Variants in CAPZB observed in about 807,000 individuals in gnomAD.
CAPZB encodes the protein F-actin-capping protein subunit beta.
Under a neutral mutation model 38.1 loss-of-function variants are expected in CAPZB, and 2 were observed. The observed-to-expected ratio is 0.05, with a 90% CI of 0.02 to 0.17. The LOEUF is 0.17. CAPZB is among the 10% of genes least tolerant of loss of function. CAPZB has a pLI of 1.00. For synonymous variants in CAPZB, 107 were observed against 127.4 expected (o/e 0.84, Z 1.08); for missense variants, 161 against 334.2 (o/e 0.48, Z 4.04).
chr1:19,375,226 T>C (rs1195497534), intron 4 of CAPZB, among the ~76,000 whole-genome samples: 3 of 152,184 alleles, frequency 2.0e-5, no homozygotes, highest in Non-Finnish European at 2.9e-5. Flanking sequence ...AGACTATAAA[T>C]GGGTTGGTTC....
intron 1 of CAPZB, among the ~76,000 whole-genome samples, chr1:19,425,503 T>C (rs1362137884): frequency 2.0e-5 from 3 of 152,150 alleles, no homozygotes; most frequent in African/African-American, 7.2e-5. Context: ...GGAGGGGAGT[T>C]ACCCCATTTT....
intron 4 of CAPZB, among the ~76,000 whole-genome samples, chr1:19,376,257 G>A (rs1462924751): frequency 1.3e-5 from 2 of 152,156 alleles, no homozygotes; most frequent in African/African-American, 2.4e-5. Context: ...GGGATGACAC[G>A]CATGGCACGT....
chr1:19,387,350 C>A, intron 2 of CAPZB, among the ~76,000 whole-genome samples: 1 of 152,196 alleles, frequency 6.6e-6, no homozygotes, highest in East Asian at 1.9e-4. Flanking sequence ...CTCTCCTAGC[C>A]CCAGCCCTGC....
In CAPZB at chr1:19,433,634, C is replaced by G. The variant is rs118019413; in HGVS notation, c.4-13884G>C. Among the ~76,000 whole-genome samples the G allele has an allele frequency of 1.1e-3, 167 of 152,282 alleles. 3 individuals are homozygous for G. In the East Asian group the frequency reaches 0.029, roughly 27 times the overall value. Reference sequence around the variant, plus strand: ...AAAGGTTTAAAGGATCTGGAAAAAACGAAGGCTCCATCAATCCAAATATTT... The same window carrying G: ...AAAGGTTTAAAGGATCTGGAAAAAAGGAAGGCTCCATCAATCCAAATATTT... On this transcript the variant is annotated intron_variant, in intron 1 of 8. Transcript: ENST00000264202.
At chr1:19,476,596 C>T (rs2094607698) in intron 1 of CAPZB, among the ~76,000 whole-genome samples, 2 of 152,228 alleles carry the variant, frequency 1.3e-5, no homozygotes, top group Non-Finnish European at 2.9e-5. Flanking sequence ...GCTGCTGCCA[C>T]TCACGTCACA....
At chr1:19,470,081 C>T (rs966438445) in intron 1 of CAPZB, among the ~76,000 whole-genome samples, 4 of 152,022 alleles carry the variant, frequency 2.6e-5, no homozygotes, top group South Asian at 2.1e-4. Flanking sequence ...TTGCTGGGTG[C>T]GGTAGAGCAA....
chr1:19,400,571 G>A (rs549635531), intron 2 of CAPZB, among the ~76,000 whole-genome samples: 9 of 152,310 alleles, frequency 5.9e-5, no homozygotes, highest in African/African-American at 1.9e-4. Context: ...TTTCTGGCAC[G>A]TGGGGAAGTG....
intron 1 of CAPZB, among the ~76,000 whole-genome samples, chr1:19,433,249 T>G (rs920400299): frequency 1.3e-5 from 2 of 152,252 alleles, no homozygotes; most frequent in African/African-American, 4.8e-5. Flanking sequence ...ATGCCGTACA[T>G]GTTGTCCATT....
chr1:19,397,111 C>G (rs903020154), intron 2 of CAPZB, among the ~76,000 whole-genome samples: 2 of 152,168 alleles, frequency 1.3e-5, no homozygotes, highest in African/African-American at 4.8e-5. Context: ...TCTGTCCTCT[C>G]GTTTAAGTGA....
chr1:19,380,869 T>C (rs1280551439), intron 3 of CAPZB, among the ~76,000 whole-genome samples: 2 of 150,846 alleles, frequency 1.3e-5, no homozygotes, highest in South Asian at 4.2e-4. Flanking sequence ...AAAAAAAAAA[T>C]GTTTTTAAGA....
chr1:19,408,282 C>T (rs1185730484), intron 2 of CAPZB, among the ~76,000 whole-genome samples: 1 of 152,244 alleles, frequency 6.6e-6, no homozygotes, highest in Non-Finnish European at 1.5e-5. Flanking sequence ...GTAAAGGCAA[C>T]AGCCAGCATC....
intron 1 of CAPZB, among the ~76,000 whole-genome samples, chr1:19,438,939 AG>A (rs746554889): frequency 2.0e-5 from 3 of 152,276 alleles, no homozygotes; most frequent in Non-Finnish European, 4.4e-5. Flanking sequence ...TCTCACAGGA[AG>A]ATTAAATCCA....
intron 1 of CAPZB, among the ~76,000 whole-genome samples, chr1:19,482,064 G>C (rs2094631156): frequency 6.6e-6 from 1 of 152,182 alleles, no homozygotes; most frequent in South Asian, 2.1e-4. Flanking sequence ...CTGGAGGGAG[G>C]GCAGGCTTCT....
At chr1:19,422,792 C>T (rs2100528329) in intron 1 of CAPZB, among the ~76,000 whole-genome samples, 1 of 152,202 alleles carries the variant, frequency 6.6e-6, no homozygotes, top group Non-Finnish European at 1.5e-5. Flanking sequence ...AATTTCTGGT[C>T]TTCAGAAAGT....
chr1:19,371,289 G>C (rs546319115), intron 4 of CAPZB, among the ~76,000 whole-genome samples: 1 of 152,310 alleles, frequency 6.6e-6, no homozygotes, highest in South Asian at 2.1e-4. Flanking sequence ...AAATGGTCCC[G>C]TATCTGTGAT....
chr1:19,378,784 G>A (rs987824286), intron 3 of CAPZB, 131 bp from the exon 4 acceptor site: 3 of 605,886 alleles, frequency 5.0e-6, no homozygotes, highest in Admixed American at 2.8e-5. Flanking sequence ...AGATTTTTCT[G>A]GGTCCTGGCA....
intron 1 of CAPZB, among the ~76,000 whole-genome samples, chr1:19,421,654 T>C (rs1258594428): frequency 6.6e-6 from 1 of 152,242 alleles, no homozygotes; most frequent in African/African-American, 2.4e-5. Flanking sequence ...CACCACGTCT[T>C]GGGCAGAACA....
At chr1:19,342,867 A>G in intron 8 of CAPZB, 3 of 1,566,482 alleles carry the variant, frequency 1.9e-6, no homozygotes, top group Non-Finnish European at 1.8e-6. Context: ...CAATAGATCT[A>G]CAGAGAGTGT....
At chr1:19,393,040 T>C (rs927178148) in intron 2 of CAPZB, among the ~76,000 whole-genome samples, 13 of 152,094 alleles carry the variant, frequency 8.5e-5, no homozygotes, top group African/African-American at 2.4e-4. Context: ...CCACCACTAC[T>C]TAGTGTAGAG....
Sources: allele counts gnomAD v4.1 joint callset (sites outside exome capture counted in the v4.1 genomes callset), GRCh38; gene constraint gnomAD v4.1.1; transcripts MANE v1.5; gene names NCBI Gene and HGNC (gene_info 2026-07-23, HGNC 2026-07-21).